The following ANKAR variants were observed in gnomAD, a reference collection of about 807,000 sequenced individuals.
The protein encoded by ANKAR is ankyrin and armadillo repeat containing, also known as ankyrin and armadillo repeat-containing protein.
Under a neutral mutation model 146.2 loss-of-function variants are expected in ANKAR, and 136 were observed. The ratio of observed to expected loss-of-function variants is 0.93; its 90% CI spans 0.81 to 1.07. The LOEUF (loss-of-function observed/expected upper bound fraction) is 1.07. ANKAR is among the 50% of genes least tolerant of loss of function. The pLI, the probability that ANKAR is intolerant of heterozygous loss-of-function variation, is 0.00. For missense variants in ANKAR, 1,567 were observed against 1,679.9 expected (o/e 0.93, Z 1.18); for synonymous variants, 500 against 575.8 (o/e 0.87, Z 1.88).
chr2:189,736,499 G>GTTTTTTTTTTTTTT (rs71938893), intron 17 of ANKAR, among the ~76,000 whole-genome samples: 10 of 113,716 alleles, frequency 8.8e-5, no homozygotes, highest in Admixed American at 2.0e-4. Context: ...AGGTGACTGG[G>GTTTTTTTTTTTTTT]TTTTGTGTGT....
intron 2 of ANKAR, among the ~76,000 whole-genome samples, chr2:189,682,528 C>G (rs897490961): frequency 6.6e-6 from 1 of 152,102 alleles, no homozygotes; most frequent in Non-Finnish European, 1.5e-5. Context: ...TGCACCACAC[C>G]TGGAGCACCA....
At chr2:189,705,997 G>A (rs929230987) in intron 8 of ANKAR, among the ~76,000 whole-genome samples, 1 of 151,202 alleles carries the variant, frequency 6.6e-6, no homozygotes. Flanking sequence ...GACAGTATGA[G>A]GGACACCAGC....
chr2:189,696,114 A>C, intron 6 of ANKAR, 36 bp from the exon 7 acceptor site: 3 of 1,600,984 alleles, frequency 1.9e-6, no homozygotes, highest in Non-Finnish European at 2.6e-6. Context: ...CTTTAGGTGC[A>C]TTTTGATAAA....
intron 10 of ANKAR, among the ~76,000 whole-genome samples, chr2:189,712,263 T>C (rs1392339091): frequency 6.6e-6 from 1 of 152,208 alleles, no homozygotes; most frequent in Non-Finnish European, 1.5e-5. Flanking sequence ...AGCATGGTGT[T>C]TGAGTTCTGA....
intron 2 of ANKAR, 49 bp downstream of exon 2, chr2:189,677,140 A>G (rs1005553333): frequency 7.4e-5 from 103 of 1,389,404 alleles, no homozygotes; most frequent in Non-Finnish European, 9.7e-5. Context: ...TTTTTGGAAC[A>G]GAGTCTTACT....
At chr2:189,693,352 A>G (rs1460137904) in intron 5 of ANKAR, among the ~76,000 whole-genome samples, 175 bp downstream of exon 5, 4 of 152,212 alleles carry the variant, frequency 2.6e-5, no homozygotes, top group Non-Finnish European at 5.9e-5. Flanking sequence ...TATAGTTATT[A>G]CTTCATGTAT....
intron 7 of ANKAR, among the ~76,000 whole-genome samples, chr2:189,704,574 TATATATATATA>T (rs1436027362): frequency 1.7e-5 from 2 of 118,660 alleles, no homozygotes; most frequent in Non-Finnish European, 3.6e-5. Flanking sequence ...TATATATATA[TATATATATATA>T]TATATATATA....
At chr2:189,737,874 A>T in intron 18 of ANKAR, 33 bp downstream of exon 18, 1 of 1,490,946 alleles carries the variant, frequency 6.7e-7, no homozygotes, top group Non-Finnish European at 8.9e-7. Context: ...TCAAATTAAT[A>T]AATATGTCAT....
chr2:189,750,060 T>C (rs1266871530), downstream of ANKAR, among the ~76,000 whole-genome samples: 1 of 152,012 alleles, frequency 6.6e-6, no homozygotes, highest in African/African-American at 2.4e-5. Flanking sequence ...AAGGTAGAGG[T>C]TGCATGCAGT....
intron 7 of ANKAR, among the ~76,000 whole-genome samples, chr2:189,701,057 A>C (rs1487635291): frequency 6.6e-6 from 1 of 152,050 alleles, no homozygotes; most frequent in Non-Finnish European, 1.5e-5. Context: ...GCCTCGGTGT[A>C]GTTTTTTGTT....
chr2:189,686,755 TA>T (rs2035661384), intron 2 of ANKAR, among the ~76,000 whole-genome samples: 2 of 152,230 alleles, frequency 1.3e-5, no homozygotes, highest in South Asian at 4.1e-4. Flanking sequence ...GCTTTTATCT[TA>T]CACAATTTTA....
At chr2:189,697,731 T>C (rs2037429671) in intron 7 of ANKAR, among the ~76,000 whole-genome samples, 1 of 152,082 alleles carries the variant, frequency 6.6e-6, no homozygotes, top group East Asian at 1.9e-4. Flanking sequence ...ATGCGCCCTC[T>C]GACTGCTTGA....
chr2:189,691,510 A>G (rs941244554), intron 3 of ANKAR, among the ~76,000 whole-genome samples: 14 of 152,052 alleles, frequency 9.2e-5, no homozygotes, highest in Non-Finnish European at 1.2e-4. Flanking sequence ...TATATTAAAC[A>G]AAGATTCTCT....
At position 189,676,822 on chromosome 2, in the gene ANKAR, T is replaced by C. The variant is rs1453764716; in HGVS notation, c.332T>C (p.Ile111Thr). 1.2e-6 allele frequency: 2 copies of C among 1,614,080 alleles called. No individual in the cohort carries two copies. The highest frequency in any genetic ancestry group is 4.5e-5 in the East Asian group (2 of 44,892). Residue 111 changes from isoleucine (I) to threonine (T), a missense_variant, in exon 2 of 23, where the codon ATT (isoleucine) becomes ACT (threonine). Coordinates refer to ENST00000684021, the MANE Select transcript of ANKAR (RefSeq NM_001378068.1). ...ATGATAAGAGAGTTGGCTATTGGAATTTATTGCCTAAATCAAATCCCTTCC... is the reference window on the plus strand; with the variant it reads ...ATGATAAGAGAGTTGGCTATTGGAACTTATTGCCTAAATCAAATCCCTTCC... Reference protein sequence around the residue: ...HQMIRELAIGIYCLNQIPSIS... With the variant: ...HQMIRELAIGTYCLNQIPSIS...
chr2:189,754,470 CT>C, intron 18 of ANKAR: 1 of 905,728 alleles, frequency 1.1e-6, no homozygotes, highest in Non-Finnish European at 1.6e-6. Flanking sequence ...ACATGCTATA[CT>C]TTGGCAAATA....
intron 2 of ANKAR, among the ~76,000 whole-genome samples, chr2:189,687,295 A>T (rs911548513): frequency 4.6e-5 from 7 of 152,116 alleles, no homozygotes; most frequent in African/African-American, 1.7e-4. Flanking sequence ...GTTGCAAATG[A>T]CGGAATCTCA....
chr2:189,704,678 A>T (rs1399014048), intron 7 of ANKAR, among the ~76,000 whole-genome samples: 3 of 146,082 alleles, frequency 2.1e-5, no homozygotes, highest in African/African-American at 7.5e-5. Flanking sequence ...TTACCATAAG[A>T]CTATTTTACA....
intron 15 of ANKAR, among the ~76,000 whole-genome samples, chr2:189,729,406 A>G (rs1219322160): frequency 1.3e-5 from 2 of 152,168 alleles, no homozygotes; most frequent in African/African-American, 4.8e-5. Flanking sequence ...AGATCACTGA[A>G]TTTCCTCAAA....
intron 18 of ANKAR, among the ~76,000 whole-genome samples, 181 bp downstream of exon 18, chr2:189,738,022 C>A (rs2043004936): frequency 6.6e-6 from 1 of 152,148 alleles, no homozygotes; most frequent in Non-Finnish European, 1.5e-5. Flanking sequence ...TTCATTAATA[C>A]AGAATTTTAC....
Sources: allele counts gnomAD v4.1 joint callset (sites outside exome capture counted in the v4.1 genomes callset), GRCh38; gene constraint gnomAD v4.1.1; transcripts MANE v1.5; gene names NCBI Gene and HGNC (gene_info 2026-07-23, HGNC 2026-07-21).